MICU1: variants seen among roughly 807,000 people sequenced by gnomAD.
MICU1 encodes mitochondrial calcium uptake 1.
Under a neutral mutation model 56.8 loss-of-function variants are expected in MICU1, and 45 were observed. That is an observed-to-expected ratio of 0.79 (90% CI 0.62 to 1.02). The LOEUF is 1.02. MICU1 is among the 50% of genes least tolerant of loss of function. The pLI is 0.00. For missense variants in MICU1, 504 were observed against 587.1 expected (o/e 0.86, Z 1.46); for synonymous variants, 186 against 195.1 (o/e 0.95, Z 0.39).
At chr10:72,473,246 T>C (rs1866002764) in intron 8 of MICU1, 1 of 152,184 alleles carries the variant, frequency 6.6e-6, no homozygotes, top group Non-Finnish European at 1.5e-5. Flanking sequence ...CAATTTTTAG[T>C]GATTAGATGT....
intron 11 of MICU1, among the ~76,000 whole-genome samples, chr10:72,373,553 T>C (rs1273111139): frequency 6.6e-6 from 1 of 152,172 alleles, no homozygotes; most frequent in Non-Finnish European, 1.5e-5. Context: ...TTTTTCTTTC[T>C]AGATTAAGAA....
intron 10 of MICU1, among the ~76,000 whole-genome samples, chr10:72,383,857 G>A (rs1862801828): frequency 6.6e-6 from 1 of 151,826 alleles, no homozygotes; most frequent in African/African-American, 2.4e-5. Flanking sequence ...AGAGTGCTGT[G>A]GCAAGATCAT....
chr10:72,542,543 G>A (rs1839798823), intron 4 of MICU1, among the ~76,000 whole-genome samples: 1 of 152,200 alleles, frequency 6.6e-6, no homozygotes, highest in African/African-American at 2.4e-5. Flanking sequence ...AACTGCTTTT[G>A]GGTGCCAGCA....
intron 8 of MICU1, among the ~76,000 whole-genome samples, chr10:72,470,859 G>C (rs1865929777): frequency 1.3e-5 from 2 of 152,178 alleles, no homozygotes; most frequent in Non-Finnish European, 2.9e-5. Flanking sequence ...CTCCTCACAT[G>C]AGGAACTGCT....
rs1866228743 is a variant in MICU1, at chr10:72,479,621, T to C, written c.653-2365A>G. ...ATAGCTCAATGCAACCTCAGACTTC[T>C]GGGCTCAAGCAATCCTGCCTCAGCC... is the stretch of plus-strand genomic sequence containing the variant. On this transcript the variant is annotated intron_variant, in intron 6 of 11. Coordinates refer to ENST00000361114, the MANE Select transcript of MICU1 (RefSeq NM_001195518.2). 2.6e-5 allele frequency among the ~76,000 whole-genome samples: 4 copies of C among 152,304 alleles called. No individual in the cohort carries two copies. In the South Asian group the frequency reaches 6.2e-4, roughly 24 times the overall value.
At chr10:72,443,944 T>A (rs1223694720) in intron 8 of MICU1, among the ~76,000 whole-genome samples, 1 of 150,264 alleles carries the variant, frequency 6.7e-6, no homozygotes, top group Non-Finnish European at 1.5e-5. Flanking sequence ...GCAGCACTAT[T>A]CACAATAGCA....
At chr10:72,592,067 T>G (rs1310308000) in intron 1 of MICU1, among the ~76,000 whole-genome samples, 1 of 148,712 alleles carries the variant, frequency 6.7e-6, no homozygotes, top group African/African-American at 2.5e-5. Flanking sequence ...CGGAATGCAG[T>G]GGCCCGATCC....
chr10:72,421,001 T>C (rs1258993693), intron 9 of MICU1, among the ~76,000 whole-genome samples: 1 of 38,366 alleles, frequency 2.6e-5, no homozygotes, highest in Non-Finnish European at 6.0e-5. Flanking sequence ...AAACTCCGTC[T>C]CAAAAAAAAA....
intron 1 of MICU1, among the ~76,000 whole-genome samples, chr10:72,587,916 G>A (rs779674971): frequency 3.9e-5 from 6 of 152,200 alleles, no homozygotes; most frequent in Non-Finnish European, 8.8e-5. Flanking sequence ...CCTGTGTGAT[G>A]GGTAGAGCGT....
intron 1 of MICU1, among the ~76,000 whole-genome samples, chr10:72,620,240 A>C (rs1274636362): frequency 6.6e-6 from 1 of 152,328 alleles, no homozygotes; most frequent in East Asian, 1.9e-4. Context: ...GCTGGTGTAC[A>C]GTAGTGCCAT....
At chr10:72,403,670 T>TGTGTGTG (rs1554862082) in intron 10 of MICU1, among the ~76,000 whole-genome samples, 9 of 149,574 alleles carry the variant, frequency 6.0e-5, no homozygotes, top group South Asian at 2.1e-4. Flanking sequence ...TGTGTGTGTG[T>TGTGTGTG]TTTGAGACGG....
intron 8 of MICU1, among the ~76,000 whole-genome samples, chr10:72,466,912 T>C (rs1865809877): frequency 6.6e-6 from 1 of 152,232 alleles, no homozygotes; most frequent in Admixed American, 6.5e-5. Context: ...TCTCTTTAGG[T>C]ACTTTTAATC....
chr10:72,379,622 T>A, intron 10 of MICU1: 1 of 403,174 alleles, frequency 2.5e-6, no homozygotes, highest in Non-Finnish European at 5.0e-6. Context: ...CTCAAGGATG[T>A]CAGTGAGAGC....
At chr10:72,405,116 C>T (rs1350970897) in intron 10 of MICU1, among the ~76,000 whole-genome samples, 2 of 151,978 alleles carry the variant, frequency 1.3e-5, no homozygotes, top group African/African-American at 4.8e-5. Context: ...ACCATGTTGG[C>T]GAGGCTGGTC....
In MICU1 at chr10:72,475,282, G is replaced by T; in HGVS notation, c.751C>A (p.Arg251Ser). The T allele has an allele frequency of 6.2e-7, 1 of 1,604,376 alleles. No individual in the cohort carries two copies. Among genetic ancestry groups the T allele is most frequent in the Non-Finnish European group, 8.5e-7 (1 of 1,174,928 alleles). ...CGCATACCCATACTGGTTTGGGAGC[G>T]AATGATGCTCTGAACCTAATACAGA... ...EEFEQVQSII[R>S]SQTSMGMRHR... The change falls in exon 8 of 12, where the codon CGC (arginine) becomes AGC (serine). Residue 251 changes from arginine to serine, a missense_variant. Coordinates refer to ENST00000361114, the MANE Select transcript of MICU1 (RefSeq NM_001195518.2).
chr10:72,432,782 G>A (rs1310190055), intron 8 of MICU1, among the ~76,000 whole-genome samples: 2 of 152,186 alleles, frequency 1.3e-5, no homozygotes, highest in Non-Finnish European at 2.9e-5. Flanking sequence ...CCTCCACTAG[G>A]CACAGCCTCC....
intron 10 of MICU1, chr10:72,379,464 C>T: frequency 3.1e-6 from 1 of 324,918 alleles, no homozygotes; most frequent in Non-Finnish European, 6.2e-6. Flanking sequence ...TCACATCAAC[C>T]TTAAGCTTCT....
At chr10:72,390,155 T>C (rs1863022932) in intron 10 of MICU1, among the ~76,000 whole-genome samples, 2 of 152,130 alleles carry the variant, frequency 1.3e-5, no homozygotes, top group Admixed American at 1.3e-4. Context: ...TTGATGTTTT[T>C]TTCAAATGGT....
At chr10:72,487,658 C>G (rs1008780027) in intron 6 of MICU1, among the ~76,000 whole-genome samples, 2 of 152,124 alleles carry the variant, frequency 1.3e-5, no homozygotes, top group Non-Finnish European at 2.9e-5. Context: ...AATATCTCCT[C>G]GTGAGAATGT....
Sources: allele counts gnomAD v4.1 joint callset (sites outside exome capture counted in the v4.1 genomes callset), GRCh38; gene constraint gnomAD v4.1.1; transcripts MANE v1.5; gene names NCBI Gene and HGNC (gene_info 2026-07-23, HGNC 2026-07-21).